The following DCAF8L2 variants were observed in gnomAD, a reference collection of about 807,000 sequenced individuals.
DCAF8L2 encodes DDB1 and CUL4 associated factor 8 like 2.
For missense variants in DCAF8L2, 430 were observed against 490.7 expected, an observed-to-expected ratio of 0.88 and a Z score of 1.17; for synonymous variants, 200 against 190.9, an observed-to-expected ratio of 1.05 and a Z score of -0.39.
intron 2 of DCAF8L2, among the ~76,000 whole-genome samples, chrX:27,659,577 C>G (rs1483018111): frequency 9.0e-6 from 1 of 111,650 alleles, no homozygotes; most frequent in Non-Finnish European, 1.9e-5. Context: ...GAAAGACCCT[C>G]TGTTTTTTCA....
the DCAF8L2 span, among the ~76,000 whole-genome samples, chrX:27,506,198 G>C: frequency 1.8e-5 from 2 of 111,520 alleles, no homozygotes; most frequent in Non-Finnish European, 3.8e-5. Context: ...TTATAAATCA[G>C]TGAAAAAATT....
chrX:27,738,860 G>A (rs993753499), intron 4 of DCAF8L2, among the ~76,000 whole-genome samples: 2 of 111,208 alleles, frequency 1.8e-5, no homozygotes, highest in African/African-American at 6.5e-5. Context: ...ATTCACTTCA[G>A]GAACAGAAAC....
chrX:27,572,064 A>G, the DCAF8L2 span, among the ~76,000 whole-genome samples: 1 of 112,301 alleles, frequency 8.9e-6, no homozygotes. Context: ...CTAGTTGTGT[A>G]ATTATTTTTG....
In DCAF8L2 at chrX:27,744,867, A is replaced by G. The variant is rs186170745; in HGVS notation, c.-58-1971A>G. On this transcript the variant is annotated intron_variant, in intron 4 of 4. Transcript: ENST00000451261. ...CTTCTGCCATGATTAAAGCTTCCTG[A>G]GTTCCTCACTAAAAGCAGAACTTGG... is the stretch of plus-strand genomic sequence containing the variant. Among the ~76,000 whole-genome samples the G allele has an allele frequency of 1.5e-3, 169 of 112,106 alleles. 2 individuals are homozygous for G. The highest frequency in any genetic ancestry group is 0.015 in the Admixed American group (156 of 10,554).
chrX:27,732,471 A>G (rs1300353391), intron 4 of DCAF8L2, among the ~76,000 whole-genome samples: 1 of 98,278 alleles, frequency 1.0e-5, no homozygotes, highest in Non-Finnish European at 2.1e-5. Context: ...CTAAGGCTTA[A>G]TAATTTTCCT....
rs1454052658 is a variant in DCAF8L2, at chrX:27,598,970, A to ATATAT, written c.-342+8530_-342+8531insTATAT. On this transcript the variant is annotated intron_variant, in intron 1 of 4. Coordinates refer to ENST00000451261, the MANE Select transcript of DCAF8L2 (RefSeq NM_001353450.2). ...GATAGGAAAGTTTCTCAAAAAAAAA[A>ATATAT]AAAAATATATATATATATATATGAT... is the stretch of plus-strand genomic sequence containing the variant. Among the ~76,000 whole-genome samples the ATATAT allele has an allele frequency of 1.0e-3, 86 of 82,251 alleles. 2 individuals carry two copies. Among genetic ancestry groups the ATATAT allele is most frequent in the African/African-American group, 3.8e-3 (84 of 22,205 alleles). The allele number at this position is 82,251 out of a possible 115,157, so 71.4% of individuals were successfully genotyped here.
chrX:27,737,931 G>T lies in DCAF8L2; in HGVS notation c.-58-8907G>T, dbSNP rs149346343. Among the ~76,000 whole-genome samples, 1,028 of 111,416 alleles carry T rather than the reference G, an allele frequency of 9.2e-3. 7 individuals carry two copies. The highest frequency in any genetic ancestry group is 0.032 in the African/African-American group (968 of 30,647). ...TTTGCAAATGTATCTTTCCCACTAGGATGTTACTTCCGTGAGGGCAGAAAA... is the reference window on the plus strand; with the variant it reads ...TTTGCAAATGTATCTTTCCCACTAGTATGTTACTTCCGTGAGGGCAGAAAA... On this transcript the variant is annotated intron_variant, in intron 4 of 4. Transcript: ENST00000451261.
At chrX:27,595,887 G>T (rs1341817683) in intron 1 of DCAF8L2, among the ~76,000 whole-genome samples, 1 of 111,054 alleles carries the variant, frequency 9.0e-6, no homozygotes, top group Non-Finnish European at 1.9e-5. Flanking sequence ...AAAATTAGCT[G>T]GGCATGGTGG....
At chrX:27,690,650 A>T (rs1930680711) in intron 3 of DCAF8L2, among the ~76,000 whole-genome samples, 2 of 110,861 alleles carry the variant, frequency 1.8e-5, no homozygotes, top group South Asian at 7.6e-4. Flanking sequence ...GCACAATAAA[A>T]TGCCAGATCG....
At chrX:27,649,592 G>A (rs1929073900) in intron 2 of DCAF8L2, among the ~76,000 whole-genome samples, 1 of 111,668 alleles carries the variant, frequency 9.0e-6, no homozygotes, top group African/African-American at 3.3e-5. Flanking sequence ...ATGCTTGTTG[G>A]CCACATGTAT....
the DCAF8L2 span, among the ~76,000 whole-genome samples, chrX:27,569,833 T>TA: frequency 9.0e-6 from 1 of 111,611 alleles, no homozygotes; most frequent in African/African-American, 3.3e-5. Flanking sequence ...TGTGTGATCT[T>TA]AAAGTTATTT....
the DCAF8L2 span, among the ~76,000 whole-genome samples, chrX:27,547,837 C>T: frequency 2.1e-3 from 186 of 90,331 alleles, 1 homozygote; most frequent in African/African-American, 7.5e-3. Context: ...CTCTCTCTCT[C>T]TCTCTCTTTC....
Position 27,635,130 on chromosome X carries a change from CTGAGT to C in DCAF8L2, c.-220+3132_-220+3136del, listed in dbSNP as rs1379107254. Among the ~76,000 whole-genome samples the C allele has an allele frequency of 5.4e-5, 6 of 111,421 alleles. No individual in the cohort carries two copies. The East Asian group carries it at 1.7e-3, about 31-fold the overall frequency. On this transcript the variant is annotated intron_variant, in intron 2 of 4. Coordinates refer to ENST00000451261, the MANE Select transcript of DCAF8L2 (RefSeq NM_001353450.2). ...TTTATTATCACTCTAGTCCCTTAAG[CTGAGT>C]TATTACATAATTTTTATCATTGCTG...
intron 2 of DCAF8L2, among the ~76,000 whole-genome samples, chrX:27,660,741 G>A (rs1017025480): frequency 2.7e-5 from 3 of 111,954 alleles, no homozygotes; most frequent in African/African-American, 9.8e-5. Flanking sequence ...ACTGGGCCGG[G>A]TCAATGTCAG....
the DCAF8L2 span, among the ~76,000 whole-genome samples, chrX:27,583,696 G>C: frequency 9.0e-6 from 1 of 110,984 alleles, no homozygotes; most frequent in Non-Finnish European, 1.9e-5. Context: ...TCTCATTGGA[G>C]CACAAACCCT....
chrX:27,555,872 C>T, the DCAF8L2 span, among the ~76,000 whole-genome samples: 1 of 110,996 alleles, frequency 9.0e-6, no homozygotes, highest in Admixed American at 9.6e-5. Context: ...TCACCTTCCT[C>T]GGCCCTTAAA....
the DCAF8L2 span, among the ~76,000 whole-genome samples, chrX:27,489,199 C>T: frequency 9.0e-6 from 1 of 111,338 alleles, no homozygotes; most frequent in African/African-American, 3.3e-5. Context: ...CTGGGTTCAC[C>T]CCATTCTCCT....
intron 1 of DCAF8L2, among the ~76,000 whole-genome samples, chrX:27,616,744 T>A (rs1221123715): frequency 9.0e-6 from 1 of 111,257 alleles, no homozygotes; most frequent in East Asian, 2.8e-4. Flanking sequence ...GAGAGGCTCT[T>A]TGTCCATGAT....
chrX:27,670,112 TTTTG>T (rs1180561163), intron 2 of DCAF8L2, among the ~76,000 whole-genome samples: 8 of 97,990 alleles, frequency 8.2e-5, no homozygotes, highest in Admixed American at 2.2e-4. Flanking sequence ...ATAGTGTTTT[TTTTG>T]TTTGTTTTTT....
Sources: allele counts gnomAD v4.1 joint callset (sites outside exome capture counted in the v4.1 genomes callset), GRCh38; gene constraint gnomAD v4.1.1; transcripts MANE v1.5; gene names NCBI Gene and HGNC (gene_info 2026-07-23, HGNC 2026-07-21).